TBC1D9: variants seen among roughly 807,000 people sequenced by gnomAD.
The protein encoded by TBC1D9 is TBC1 domain family member 9A.
A neutral mutation model predicts 132.0 loss-of-function variants in TBC1D9; 63 were observed. The observed-to-expected ratio is 0.48, with a 90% confidence interval of 0.39 to 0.59. The LOEUF (loss-of-function observed/expected upper bound fraction) is 0.59, where lower values mean the gene tolerates loss of function less well. Among genes scored for constraint, TBC1D9 ranks in the 20% least tolerant of loss-of-function variants. The pLI, the probability that TBC1D9 is intolerant of heterozygous loss-of-function variation, is 0.00. For synonymous variants in TBC1D9, 610 were observed against 609.9 expected, an observed-to-expected ratio of 1.00 and a Z score of 0.00; for missense variants, 1,261 against 1,592.7, an observed-to-expected ratio of 0.79 and a Z score of 3.54.
intron 16 of TBC1D9, among the ~76,000 whole-genome samples, chr4:140,632,989 G>A (rs757740417): frequency 6.6e-6 from 1 of 152,144 alleles, no homozygotes; most frequent in African/African-American, 2.4e-5. Flanking sequence ...GTATAGATGA[G>A]TACTTTATAC....
chr4:140,748,174 T>C (rs984103041), intron 1 of TBC1D9, among the ~76,000 whole-genome samples: 2 of 152,224 alleles, frequency 1.3e-5, no homozygotes, highest in Non-Finnish European at 2.9e-5. Context: ...AAAATAAGAT[T>C]GAGAATTGTA....
intron 1 of TBC1D9, among the ~76,000 whole-genome samples, chr4:140,748,468 C>T (rs778347987): frequency 7.9e-5 from 12 of 152,008 alleles, no homozygotes; most frequent in African/African-American, 1.2e-4. Flanking sequence ...ACAAAACCAA[C>T]GAAAGACATA....
intron 9 of TBC1D9, among the ~76,000 whole-genome samples, chr4:140,665,133 C>T (rs1423218352): frequency 6.8e-6 from 1 of 147,080 alleles, no homozygotes; most frequent in East Asian, 2.0e-4. Context: ...AAAAAATTAA[C>T]TCAAAATGAC....
Position 140,622,326 on chromosome 4 carries a change from GC to G in TBC1D9, c.3669del (p.Glu1223AspfsTer14). 1 of 1,613,794 alleles carries G rather than the reference GC, an allele frequency of 6.2e-7. No homozygotes were observed. On this transcript the variant is annotated frameshift_variant, in exon 21 of 21. Transcript: ENST00000442267. LOFTEE classifies it high-confidence loss of function. ...TTGTCAAAGTACTTGACCAGGGCAG[GC>G]TCAGTTAAGAGGGAGGCCAGGAACT... is the stretch of plus-strand genomic sequence containing the variant. Reference protein sequence around the residue: ...FEQFLASLLTEPALVKYFDKP... With the variant: ...FEQFLASLLTXPALVKYFDKP...
chr4:140,751,342 C>T (rs1738920505), intron 1 of TBC1D9, among the ~76,000 whole-genome samples: 1 of 152,132 alleles, frequency 6.6e-6, no homozygotes, highest in Admixed American at 6.5e-5. Flanking sequence ...ACAGAATAGC[C>T]TTCCCAATAA....
intron 13 of TBC1D9, among the ~76,000 whole-genome samples, chr4:140,655,737 TC>T (rs1233673252): frequency 6.6e-6 from 1 of 152,090 alleles, no homozygotes; most frequent in Non-Finnish European, 1.5e-5. Flanking sequence ...TCCAGGGTCA[TC>T]ATGGACAAGA....
In TBC1D9 at chr4:140,756,342, G is replaced by A. The variant is rs1173500533; in HGVS notation, c.-297C>T. 4.6e-5 allele frequency among the ~76,000 whole-genome samples: 7 copies of A among 152,034 alleles called. No homozygotes were observed. The highest frequency in any genetic ancestry group is 1.7e-4 in the African/African-American group (7 of 41,418). On this transcript the variant is annotated 5_prime_UTR_variant, in exon 1 of 21. Coordinates refer to ENST00000442267, the MANE Select transcript of TBC1D9 (RefSeq NM_015130.3). The surrounding 1 kb of genome is among the most constrained non-coding windows in gnomAD (Gnocchi z 5.6). ...CAGACGCCCGGCCTGGCACTCTGCA[G>A]CCCGGCTCCCGGCCCACGGCGGCGG...
intron 2 of TBC1D9, among the ~76,000 whole-genome samples, chr4:140,691,526 C>T (rs1316948340): frequency 6.6e-6 from 1 of 152,130 alleles, no homozygotes; most frequent in Non-Finnish European, 1.5e-5. Context: ...AAGGGCTTGG[C>T]TGTTGATTTT....
At chr4:140,641,485 CA>C (rs1293307123) in intron 13 of TBC1D9, among the ~76,000 whole-genome samples, 1 of 152,122 alleles carries the variant, frequency 6.6e-6, no homozygotes, top group East Asian at 1.9e-4. Context: ...AATCGCAGTA[CA>C]AACATCAAGT....
At chr4:140,668,317 G>C (rs1001412019) in intron 9 of TBC1D9, among the ~76,000 whole-genome samples, 6 of 152,166 alleles carry the variant, frequency 3.9e-5, no homozygotes, top group East Asian at 1.9e-4. Context: ...CTTCACCACT[G>C]GTCCATGGAA....
chr4:140,669,347 T>G (rs1228758760), intron 8 of TBC1D9, among the ~76,000 whole-genome samples: 1 of 152,214 alleles, frequency 6.6e-6, no homozygotes, highest in African/African-American at 2.4e-5. Context: ...GAAAGTAAGT[T>G]AATGATGTTT....
At chr4:140,693,180 C>G (rs1328161755) in intron 2 of TBC1D9, among the ~76,000 whole-genome samples, 1 of 152,006 alleles carries the variant, frequency 6.6e-6, no homozygotes, top group Non-Finnish European at 1.5e-5. Context: ...CCAGTCTGGT[C>G]TCAAACTCCT....
chr4:140,721,947 T>G (rs1010191791), intron 1 of TBC1D9, among the ~76,000 whole-genome samples: 3 of 152,130 alleles, frequency 2.0e-5, no homozygotes, highest in Admixed American at 2.0e-4. Context: ...GCTGAGCCCT[T>G]ACCAGACTCC....
intron 1 of TBC1D9, among the ~76,000 whole-genome samples, chr4:140,755,530 T>C (rs1282617578): frequency 6.6e-6 from 1 of 152,080 alleles, no homozygotes; most frequent in Non-Finnish European, 1.5e-5. Flanking sequence ...GTAAAGAAAG[T>C]GGAGCAAAAA....
At chr4:140,667,160 G>A (rs13151307) in intron 9 of TBC1D9, among the ~76,000 whole-genome samples, 53,628 of 152,080 alleles carry the variant, frequency 0.35, 11,268 homozygotes, top group South Asian at 0.49. Context: ...CTTCATGATA[G>A]GCTGGCCTTC....
At chr4:140,638,035 C>G (rs1736908521) in intron 15 of TBC1D9, among the ~76,000 whole-genome samples, 1 of 152,110 alleles carries the variant, frequency 6.6e-6, no homozygotes, top group Non-Finnish European at 1.5e-5. Flanking sequence ...ACAGTGGTGC[C>G]CTCCAGTGGT....
At chr4:140,709,358 G>A (rs1047169458) in intron 1 of TBC1D9, among the ~76,000 whole-genome samples, 3 of 151,604 alleles carry the variant, frequency 2.0e-5, no homozygotes, top group Non-Finnish European at 4.4e-5. Flanking sequence ...ACTCAATTAG[G>A]AGAGTGCTTC....
chr4:140,671,812 C>T (rs374239312), intron 6 of TBC1D9, among the ~76,000 whole-genome samples: 4 of 151,838 alleles, frequency 2.6e-5, no homozygotes, highest in South Asian at 2.1e-4. Context: ...CTAGGATAAA[C>T]GCATTAAAAC....
At chr4:140,722,128 T>G (rs1738434905) in intron 1 of TBC1D9, among the ~76,000 whole-genome samples, 1 of 152,112 alleles carries the variant, frequency 6.6e-6, no homozygotes, top group Non-Finnish European at 1.5e-5. Context: ...GGGGAGCCTA[T>G]GGGGGGTGAG....
Sources: allele counts gnomAD v4.1 joint callset (sites outside exome capture counted in the v4.1 genomes callset), GRCh38; gene constraint gnomAD v4.1.1; non-coding constraint Gnocchi (gnomAD v3.1); transcripts MANE v1.5; gene names NCBI Gene and HGNC (gene_info 2026-07-23, HGNC 2026-07-21).